The following RGS9 variants were observed in gnomAD, a reference collection of about 807,000 sequenced individuals.
RGS9 encodes the protein regulator of G-protein signalling 9.
RGS9 carries 78 observed loss-of-function variants against 102.0 expected under a neutral mutation model. The ratio of observed to expected loss-of-function variants is 0.76; its 90% confidence interval spans 0.64 to 0.92. The LOEUF (loss-of-function observed/expected upper bound fraction) is 0.92, where lower values mean the gene tolerates loss of function less well. RGS9 is among the 40% of genes least tolerant of loss of function. The pLI is 0.00. For missense variants in RGS9, 833 were observed against 866.1 expected (o/e 0.96, Z 0.48); for synonymous variants, 353 against 318.6 (o/e 1.11, Z -1.15).
At chr17:65,157,078 C>T (rs1157735131) in intron 2 of RGS9, among the ~76,000 whole-genome samples, 1 of 151,554 alleles carries the variant, frequency 6.6e-6, no homozygotes, top group Non-Finnish European at 1.5e-5. Context: ...AGAAATGTCC[C>T]TGCACCGCCT....
intron 7 of RGS9, among the ~76,000 whole-genome samples, chr17:65,167,516 A>C (rs1315819949): frequency 6.6e-6 from 1 of 152,122 alleles, no homozygotes; most frequent in African/African-American, 2.4e-5. Flanking sequence ...ATAGCCTTTT[A>C]TAGCAATAAG....
intron 4 of RGS9, 23 bp from the exon 5 acceptor site, chr17:65,160,513 G>T (rs200422192): frequency 2.5e-6 from 4 of 1,614,144 alleles, no homozygotes; most frequent in Non-Finnish European, 2.5e-6. Flanking sequence ...TTTAAAGCGT[G>T]GTTTCCCTGG....
intron 1 of RGS9, among the ~76,000 whole-genome samples, 188 bp downstream of exon 1, chr17:65,137,785 C>T (rs555971073): frequency 1.3e-5 from 2 of 152,330 alleles, no homozygotes; most frequent in South Asian, 4.1e-4. Context: ...TTTTCGTGTG[C>T]CCTGCCTGTA....
In RGS9 at chr17:65,220,683, G is replaced by T. The variant is rs539767710; in HGVS notation, c.1408-4319G>T. ...ACCTTTCTGCTCCCAGGAAGTGGGA[G>T]TTCAGGTGGCCCCAAGGTCTCTTTC... On this transcript the variant is annotated intron_variant, in intron 17 of 18. Transcript: ENST00000262406. 1.3e-4 allele frequency among the ~76,000 whole-genome samples: 20 copies of T among 152,338 alleles called. No individual in the cohort carries two copies. In the South Asian group the frequency reaches 3.9e-3, roughly 30 times the overall value.
At chr17:65,203,867 C>T (rs1368664277) in intron 14 of RGS9, among the ~76,000 whole-genome samples, 3 of 152,162 alleles carry the variant, frequency 2.0e-5, no homozygotes, top group African/African-American at 7.2e-5. Flanking sequence ...AGTTCTTCAC[C>T]CTCATGGCCA....
Position 65,224,934 on chromosome 17 carries a change from A to AGCCCAGGG in RGS9, c.1408-63_1408-56dup, listed in dbSNP as rs1905563139. The AGCCCAGGG allele has an allele frequency of 8.1e-6, 13 of 1,601,360 alleles. No homozygotes were observed. The East Asian group carries it at 2.7e-4, about 33-fold the overall frequency. ...GAAGGGGACTAAGTTAGCAGAGGAC[A>AGCCCAGGG]GCCCAGGGGCCCTGCTGGCTGGGGC... On this transcript the variant is annotated intron_variant, in intron 17 of 18. Transcript: ENST00000262406.
intron 2 of RGS9, among the ~76,000 whole-genome samples, chr17:65,154,367 A>G (rs951906289): frequency 6.6e-6 from 1 of 152,168 alleles, no homozygotes; most frequent in Non-Finnish European, 1.5e-5. Context: ...CTCCTGGACT[A>G]AAGTCTTCCT....
At chr17:65,147,261 G>A (rs1910399743) in intron 1 of RGS9, among the ~76,000 whole-genome samples, 1 of 152,202 alleles carries the variant, frequency 6.6e-6, no homozygotes, top group African/African-American at 2.4e-5. Flanking sequence ...AGTCAGTCTT[G>A]CACCAGGAGT....
At chr17:65,188,879 T>C (rs1465672143) in intron 9 of RGS9, 1 of 227,064 alleles carries the variant, frequency 4.4e-6, no homozygotes, top group African/African-American at 2.3e-5. Context: ...CCTCCCAAAG[T>C]GCTGGGATTA....
intron 13 of RGS9, among the ~76,000 whole-genome samples, chr17:65,199,189 G>C (rs1199410044): frequency 6.6e-6 from 1 of 152,150 alleles, no homozygotes; most frequent in Non-Finnish European, 1.5e-5. Flanking sequence ...CTTTTTAAAA[G>C]TGTACAATTC....
chr17:65,149,364 G>A (rs1333724550), intron 1 of RGS9, among the ~76,000 whole-genome samples: 1 of 152,198 alleles, frequency 6.6e-6, no homozygotes, highest in East Asian at 1.9e-4. Flanking sequence ...AATTGGAGCA[G>A]AGATGTGAAA....
chr17:65,190,648 C>T (rs1472197789), intron 11 of RGS9, among the ~76,000 whole-genome samples: 1 of 152,122 alleles, frequency 6.6e-6, no homozygotes, highest in Non-Finnish European at 1.5e-5. Context: ...GTCCATTGTT[C>T]ATCTTTGATT....
chr17:65,167,082 C>T (rs1042675717), intron 7 of RGS9, among the ~76,000 whole-genome samples: 5 of 152,106 alleles, frequency 3.3e-5, no homozygotes, highest in East Asian at 1.9e-4. Context: ...AGGGGGCCCA[C>T]GGCGGGATCA....
At chr17:65,193,494 T>C (rs1210928989) in intron 11 of RGS9, 49 bp from the exon 12 acceptor site, 4 of 1,169,798 alleles carry the variant, frequency 3.4e-6, no homozygotes, top group African/African-American at 1.5e-5. Context: ...ATTGATGTCA[T>C]ATCTTGGGTG....
At chr17:65,158,383 T>C (rs766766104) in intron 3 of RGS9, 38 bp downstream of exon 3, 12 of 1,582,450 alleles carry the variant, frequency 7.6e-6, no homozygotes, top group East Asian at 4.5e-5. Context: ...CCGGGACAGC[T>C]TTGTGTACAG....
chr17:65,189,515 C>T (rs1164609664), intron 10 of RGS9, among the ~76,000 whole-genome samples, 200 bp downstream of exon 10: 2 of 152,306 alleles, frequency 1.3e-5, no homozygotes, highest in African/African-American at 4.8e-5. Flanking sequence ...GAGGCTGGCA[C>T]TCAGGGTCTG....
chr17:65,186,928 C>G (rs539292939), intron 9 of RGS9, among the ~76,000 whole-genome samples: 1 of 152,296 alleles, frequency 6.6e-6, no homozygotes, highest in South Asian at 2.1e-4. Flanking sequence ...CCCACTCCAG[C>G]AAGGCTCCAA....
chr17:65,209,849 G>A (rs1218163462), intron 16 of RGS9, among the ~76,000 whole-genome samples: 4 of 152,162 alleles, frequency 2.6e-5, no homozygotes, highest in African/African-American at 7.2e-5. Context: ...AGGCTGAGGC[G>A]GATGGATCAG....
At chr17:65,159,308 C>T (rs1192844433) in intron 3 of RGS9, among the ~76,000 whole-genome samples, 3 of 152,140 alleles carry the variant, frequency 2.0e-5, no homozygotes, top group East Asian at 3.9e-4. Flanking sequence ...GTTGCTCACA[C>T]GAAGCCTGTT....
Sources: allele counts gnomAD v4.1 joint callset (sites outside exome capture counted in the v4.1 genomes callset), GRCh38; gene constraint gnomAD v4.1.1; transcripts MANE v1.5; gene names NCBI Gene and HGNC (gene_info 2026-07-23, HGNC 2026-07-21).